Variants in ADCY7 observed in about 807,000 individuals in gnomAD.
The protein encoded by ADCY7 is adenylate cyclase 7, also known as adenylate cyclase type 7.
A neutral mutation model predicts 120.6 loss-of-function variants in ADCY7; 72 were observed. The ratio of observed to expected loss-of-function variants is 0.60; its 90% CI spans 0.49 to 0.73. The LOEUF is 0.73. ADCY7 is among the 30% of genes least tolerant of loss of function. The pLI is 0.00. For missense variants in ADCY7, 1,227 were observed against 1,486.0 expected, an observed-to-expected ratio of 0.83 and a Z score of 2.87; for synonymous variants, 661 against 628.0, an observed-to-expected ratio of 1.05 and a Z score of -0.78.
intron 19 of ADCY7, among the ~76,000 whole-genome samples, 156 bp from the exon 20 acceptor site, chr16:50,311,534 TCCC>T (rs1302689934): frequency 1.4e-5 from 2 of 138,958 alleles, no homozygotes; most frequent in African/African-American, 2.7e-5. Context: ...ACCTCTCCCC[TCCC>T]CCCTTTATAA....
rs945972138 is a variant in ADCY7, at chr16:50,288,363, A to G, written c.171+13A>G. 24 of 1,537,432 alleles carry G rather than the reference A, an allele frequency of 1.6e-5. No individual in the cohort carries two copies. The highest frequency in any genetic ancestry group is 2.0e-5 in the Non-Finnish European group (23 of 1,137,734). ...CTTCAGCCAGGGGGTGAGTGAGGGCAGCCCCTGGGCTTCACGTCTCGGCCC... is the reference window on the plus strand; with the variant it reads ...CTTCAGCCAGGGGGTGAGTGAGGGCGGCCCCTGGGCTTCACGTCTCGGCCC... On this transcript the variant is annotated intron_variant, in intron 2 of 25. Coordinates refer to ENST00000673801, the MANE Select transcript of ADCY7 (RefSeq NM_001114.5).
At chr16:50,267,702 G>GT (rs1409268157) in intron 1 of ADCY7, among the ~76,000 whole-genome samples, 2 of 152,168 alleles carry the variant, frequency 1.3e-5, no homozygotes, top group African/African-American at 4.8e-5. Context: ...TAAAATCTAA[G>GT]TATTTGTCTT....
intron 23 of ADCY7, 98 bp downstream of exon 23, chr16:50,314,160 AG>A: frequency 7.1e-7 from 1 of 1,406,666 alleles, no homozygotes; most frequent in African/African-American, 1.4e-5. Context: ...GTCCTGGGGG[AG>A]GGGCACAGGT....
chr16:50,301,187 C>T lies in ADCY7; in HGVS notation c.1341C>T (p.Ile447=), dbSNP rs2035696184. The stretch of plus-strand genomic sequence containing the variant: ...ACCCCTACCTCAAGGAGATGAACAT[C>T]CGCACCTACCTGGTCATCGACCCCC... ...QRDPYLKEMN[I]RTYLVIDPRS... is the part of the protein sequence containing the mutation. The change falls in exon 10 of 26, where the codon ATC becomes ATT. Residue 447 remains isoleucine, a synonymous_variant. Transcript: ENST00000673801. 1.9e-6 allele frequency: 3 copies of T among 1,607,794 alleles called. No individual in the cohort carries two copies. Among genetic ancestry groups the T allele is most frequent in the Non-Finnish European group, 2.5e-6 (3 of 1,177,264 alleles).
chr16:50,313,837 A>C (rs2036625289), intron 22 of ADCY7, 121 bp from the exon 23 acceptor site: 1 of 748,270 alleles, frequency 1.3e-6, no homozygotes, highest in Admixed American at 2.3e-5. Context: ...GGCAGCCATG[A>C]GACGTGTGTG....
intron 1 of ADCY7, among the ~76,000 whole-genome samples, chr16:50,249,043 TCTGCGTAAGAGC>T (rs1046015567): frequency 6.6e-6 from 1 of 152,210 alleles, no homozygotes; most frequent in African/African-American, 2.4e-5. Flanking sequence ...CTTTCTGCTC[TCTGCGTAAGAGC>T]CTGCACCACT....
At chr16:50,278,601 G>A (rs902218189) in intron 1 of ADCY7, among the ~76,000 whole-genome samples, 1 of 151,990 alleles carries the variant, frequency 6.6e-6, no homozygotes, top group Non-Finnish European at 1.5e-5. Context: ...CTTCTTTATG[G>A]CTTTTGGGTT....
chr16:50,284,638 CA>C (rs1027173505), intron 1 of ADCY7, among the ~76,000 whole-genome samples: 7 of 152,210 alleles, frequency 4.6e-5, no homozygotes, highest in African/African-American at 1.7e-4. Context: ...GGCAGCAGGC[CA>C]GGGGTCAGGT....
At chr16:50,298,001 C>A (rs983315504) in intron 7 of ADCY7, among the ~76,000 whole-genome samples, 2 of 152,022 alleles carry the variant, frequency 1.3e-5, no homozygotes, top group Non-Finnish European at 2.9e-5. Flanking sequence ...TCTGGTGACG[C>A]AGCAGTGCCT....
intron 1 of ADCY7, among the ~76,000 whole-genome samples, chr16:50,275,724 C>T (rs1382362512): frequency 6.6e-6 from 1 of 152,196 alleles, no homozygotes; most frequent in Non-Finnish European, 1.5e-5. Flanking sequence ...GGGCAGAATG[C>T]ACCTCAGGAA....
intron 7 of ADCY7, among the ~76,000 whole-genome samples, chr16:50,295,345 ATTTTT>A (rs67137852): frequency 5.2e-4 from 43 of 82,740 alleles, no homozygotes; most frequent in African/African-American, 1.5e-3. Flanking sequence ...CGCCTGGCTA[ATTTTT>A]TTTTTTTTTT....
chr16:50,313,391 TGG>T (rs772342718), intron 22 of ADCY7: 40 of 242,774 alleles, frequency 1.6e-4, no homozygotes, highest in Non-Finnish European at 3.1e-4. Flanking sequence ...CACTACAGCC[TGG>T]GCAACAGTAC....
intron 14 of ADCY7, 33 bp from the exon 15 acceptor site, chr16:50,307,017 G>T: frequency 6.4e-7 from 1 of 1,572,904 alleles, no homozygotes. Context: ...GGCACTGCTG[G>T]TGGCCACCCC....
At chr16:50,292,545 G>T in intron 4 of ADCY7, 131 bp from the exon 5 acceptor site, 1 of 1,147,980 alleles carries the variant, frequency 8.7e-7, no homozygotes, top group South Asian at 1.5e-5. Context: ...GCCCCAGGAA[G>T]AGTGCCATTC....
rs753781967 is a variant in ADCY7 at position 50,304,448 on chromosome 16, G to A, written c.1457G>A (p.Arg486Gln). 1.2e-5 allele frequency: 19 copies of A among 1,608,992 alleles called. No homozygotes were observed. The highest frequency in any genetic ancestry group is 8.8e-5 in the South Asian group (8 of 90,688). ...ATGCGGGCGTCAGTGCGCATGACCC[G>A]GTACCTCGAGTCCTGGGGGGCGGCA... ...LKMRASVRMT[R>Q]YLESWGAARP... Residue 486 changes from arginine to glutamine, a missense_variant, in exon 11 of 26, where the codon CGG becomes CAG. Physicochemically the swap from Arg to Gln is conservative, Grantham distance 43 (BLOSUM62 1). This residue lies in a region of ADCY7 where 332 missense variants were observed against 455.8 expected (regional missense o/e 0.73). Coordinates refer to ENST00000673801, the MANE Select transcript of ADCY7 (RefSeq NM_001114.5).
intron 1 of ADCY7, among the ~76,000 whole-genome samples, chr16:50,271,717 C>A (rs1045845225): frequency 6.6e-6 from 1 of 152,146 alleles, no homozygotes; most frequent in Non-Finnish European, 1.5e-5. Flanking sequence ...TGCCCTTGGC[C>A]CCCACAGTTC....
At chr16:50,290,689 C>T in intron 3 of ADCY7, 29 bp downstream of exon 3, 1 of 1,599,206 alleles carries the variant, frequency 6.3e-7, no homozygotes, top group Non-Finnish European at 8.5e-7. Context: ...TCCCTGCCAG[C>T]TGCGCCTTCA....
At chr16:50,313,437 A>AC (rs151204836) in intron 22 of ADCY7, 27,786 of 167,606 alleles carry the variant, frequency 0.17, 2,799 homozygotes, top group Middle Eastern at 0.23. Flanking sequence ...AACAACAACA[A>AC]AAAAAAAACG....
intron 1 of ADCY7, among the ~76,000 whole-genome samples, chr16:50,281,102 C>T (rs1480470370): frequency 6.6e-6 from 1 of 152,206 alleles, no homozygotes; most frequent in African/African-American, 2.4e-5. Context: ...GCACCTGCCT[C>T]TCCCTGGACC....
Sources: allele counts gnomAD v4.1 joint callset (sites outside exome capture counted in the v4.1 genomes callset), GRCh38; gene constraint gnomAD v4.1.1; regional missense constraint gnomAD v4.1.1; transcripts MANE v1.5; gene names NCBI Gene and HGNC (gene_info 2026-07-23, HGNC 2026-07-21).